Variants in ST6GALNAC5 observed in about 807,000 individuals in gnomAD.
ST6GALNAC5 encodes alpha-N-acetylgalactosaminide alpha-2,6-sialyltransferase 5.
In ST6GALNAC5, 27 loss-of-function variants were observed where a neutral mutation model predicts 33.6. The ratio of observed to expected loss-of-function variants is 0.80; its 90% CI spans 0.59 to 1.11. The LOEUF (loss-of-function observed/expected upper bound fraction) is 1.11, where lower values mean the gene tolerates loss of function less well. ST6GALNAC5 is among the 50% of genes least tolerant of loss of function. The pLI, the probability that ST6GALNAC5 is intolerant of heterozygous loss-of-function variation, is 0.00. For synonymous variants in ST6GALNAC5, 194 were observed against 171.2 expected (o/e 1.13, Z -1.04); for missense variants, 428 against 454.0 (o/e 0.94, Z 0.52).
At chr1:76,981,636 G>C (rs547910212) in intron 2 of ST6GALNAC5, among the ~76,000 whole-genome samples, 6 of 126,204 alleles carry the variant, frequency 4.8e-5, no homozygotes, top group Non-Finnish European at 1.0e-4. Context: ...GAGAGCAGTT[G>C]TTCTCCCAGC....
intron 2 of ST6GALNAC5, among the ~76,000 whole-genome samples, chr1:76,925,363 A>T (rs1647074300): frequency 6.6e-6 from 1 of 152,158 alleles, no homozygotes; most frequent in African/African-American, 2.4e-5. Flanking sequence ...ATTCAAAGCC[A>T]AAGACATAGT....
intron 2 of ST6GALNAC5, among the ~76,000 whole-genome samples, chr1:77,036,105 A>G (rs1351471168): frequency 6.6e-6 from 1 of 152,208 alleles, no homozygotes; most frequent in Non-Finnish European, 1.5e-5. Flanking sequence ...TATGTACAAG[A>G]TGACGCTGAA....
intron 2 of ST6GALNAC5, among the ~76,000 whole-genome samples, chr1:76,914,014 T>C (rs189816186): frequency 1.3e-5 from 2 of 152,248 alleles, no homozygotes; most frequent in Admixed American, 6.5e-5. Flanking sequence ...ACAAAATCAA[T>C]GTACAAAAAT....
chr1:77,035,963 T>A (rs1199832750), intron 2 of ST6GALNAC5, among the ~76,000 whole-genome samples: 2 of 152,232 alleles, frequency 1.3e-5, no homozygotes, highest in Non-Finnish European at 2.9e-5. Context: ...TGTGAATGTT[T>A]ATAATACCAT....
chr1:76,997,820 G>A (rs1166448693), intron 2 of ST6GALNAC5, among the ~76,000 whole-genome samples: 1 of 152,096 alleles, frequency 6.6e-6, no homozygotes, highest in African/African-American at 2.4e-5. Context: ...GCAACATAGC[G>A]AGACCCCATC....
At position 76,889,526 on chromosome 1, in the gene ST6GALNAC5, G is replaced by A. The variant is rs139467863; in HGVS notation, c.261+20784G>A. On this transcript the variant is annotated intron_variant, in intron 2 of 4. Coordinates refer to ENST00000477717, the MANE Select transcript of ST6GALNAC5 (RefSeq NM_030965.3). ...CCCACATCAGTTATTTTATTGTTCA[G>A]TATTAAGAAAACCTAATTCCTGTGT... 1.8e-3 allele frequency among the ~76,000 whole-genome samples: 272 copies of A among 152,124 alleles called. 1 individual carries two copies. Among genetic ancestry groups the A allele is most frequent in the Non-Finnish European group, 2.8e-3 (193 of 67,924 alleles).
At chr1:77,022,501 T>C (rs1156307567) in intron 2 of ST6GALNAC5, among the ~76,000 whole-genome samples, 1 of 152,202 alleles carries the variant, frequency 6.6e-6, no homozygotes, top group Admixed American at 6.5e-5. Context: ...GAGGGAATCA[T>C]GGGACTCAAA....
At chr1:76,947,623 G>C (rs1459719347) in intron 2 of ST6GALNAC5, among the ~76,000 whole-genome samples, 1 of 151,998 alleles carries the variant, frequency 6.6e-6, no homozygotes, top group African/African-American at 2.4e-5. Context: ...CATTGACCCA[G>C]CTACTCAGGA....
At chr1:76,870,772 G>A (rs920999712) in intron 2 of ST6GALNAC5, among the ~76,000 whole-genome samples, 1 of 152,122 alleles carries the variant, frequency 6.6e-6, no homozygotes, top group Admixed American at 6.6e-5. Flanking sequence ...GGTCTTTGGA[G>A]ATAATTATGA....
chr1:77,025,896 T>C (rs964988520), intron 2 of ST6GALNAC5, among the ~76,000 whole-genome samples: 2 of 152,070 alleles, frequency 1.3e-5, no homozygotes, highest in African/African-American at 4.8e-5. Flanking sequence ...CACAGGCAGG[T>C]CAGCTCAGTC....
chr1:77,024,721 C>T (rs1284478631), intron 2 of ST6GALNAC5, among the ~76,000 whole-genome samples: 2 of 152,206 alleles, frequency 1.3e-5, no homozygotes, highest in Non-Finnish European at 2.9e-5. Flanking sequence ...GTGTGGACTG[C>T]CTGTGGAGCC....
In ST6GALNAC5 at chr1:77,063,219, C is replaced by G; in HGVS notation, c.*13C>G. ...ACCTGTGTTCTAAGGAATGAGCATGCCAGACTGTAATCCCAGGTATTCACT... is the reference window on the plus strand; with the variant it reads ...ACCTGTGTTCTAAGGAATGAGCATGGCAGACTGTAATCCCAGGTATTCACT... On this transcript the variant is annotated 3_prime_UTR_variant, in exon 5 of 5. Coordinates refer to ENST00000477717, the MANE Select transcript of ST6GALNAC5 (RefSeq NM_030965.3). 1 of 1,607,640 alleles carries G rather than the reference C, an allele frequency of 6.2e-7. No homozygotes were observed.
chr1:76,945,269 G>GA (rs35827706), intron 2 of ST6GALNAC5, among the ~76,000 whole-genome samples: 2,009 of 144,818 alleles, frequency 0.014, 46 homozygotes, highest in African/African-American at 0.047. Flanking sequence ...ATTTGTGGGA[G>GA]AAAAAAAAAA....
intron 2 of ST6GALNAC5, among the ~76,000 whole-genome samples, chr1:76,999,485 G>GT (rs1422364823): frequency 0.013 from 1,830 of 138,538 alleles, 32 homozygotes; most frequent in African/African-American, 0.042. Flanking sequence ...GTTTGGGTTT[G>GT]TTTTTTTTTT....
At chr1:77,062,553 C>T (rs1383378283) in intron 4 of ST6GALNAC5, among the ~76,000 whole-genome samples, 2 of 152,132 alleles carry the variant, frequency 1.3e-5, no homozygotes, top group African/African-American at 2.4e-5. Context: ...CATAATGCAT[C>T]CCAGCAGCCA....
rs200548691 is a variant in ST6GALNAC5 at position 77,050,312 on chromosome 1, G to A, written c.726G>A (p.Leu242=). The change falls in exon 4 of 5, where the codon CTG becomes CTA. Residue 242 remains leucine (L), a synonymous_variant. Coordinates refer to ENST00000477717, the MANE Select transcript of ST6GALNAC5 (RefSeq NM_030965.3). ...GCTGGTTTACAATGACAATTGCACT[G>A]GAGCTCTGTGACAGGATCAATGTTT... ...STGWFTMTIA[L]ELCDRINVYG... 40 of 1,614,072 alleles carry A rather than the reference G, an allele frequency of 2.5e-5. No individual in the cohort carries two copies.
intron 2 of ST6GALNAC5, among the ~76,000 whole-genome samples, chr1:76,908,539 T>C (rs1340334266): frequency 2.0e-5 from 3 of 152,208 alleles, no homozygotes; most frequent in African/African-American, 7.2e-5. Flanking sequence ...TCAAGACTTT[T>C]ACACACAGGT....
intron 2 of ST6GALNAC5, among the ~76,000 whole-genome samples, chr1:76,973,027 G>A (rs552993323): frequency 6.6e-6 from 1 of 151,980 alleles, no homozygotes; most frequent in Admixed American, 6.6e-5. Context: ...TCTAGCAAGG[G>A]TATTAGTCAA....
intron 2 of ST6GALNAC5, among the ~76,000 whole-genome samples, chr1:76,892,183 A>G (rs924824994): frequency 6.6e-6 from 1 of 152,224 alleles, no homozygotes; most frequent in African/African-American, 2.4e-5. Context: ...CAACTTGTAC[A>G]TGACAGTCTC....
Sources: gnomAD v4.1 joint callset for allele counts (sites outside exome capture counted in the v4.1 genomes callset) on GRCh38, gnomAD v4.1.1 for gene constraint, MANE v1.5 for transcripts, NCBI Gene and HGNC (gene_info 2026-07-23, HGNC 2026-07-21) for gene names.